Variants in CACNA2D1 observed in about 807,000 individuals in gnomAD.
CACNA2D1 encodes calcium voltage-gated channel auxiliary subunit alpha2delta 1.
A neutral mutation model predicts 171.5 loss-of-function variants in CACNA2D1; 53 were observed. The ratio of observed to expected loss-of-function variants is 0.31; its 90% CI spans 0.25 to 0.39. The LOEUF (loss-of-function observed/expected upper bound fraction) is 0.39, where lower values mean the gene tolerates loss of function less well. Ranked by LOEUF, CACNA2D1 falls within the 10% of genes least tolerant of loss-of-function variation. The probability of loss-of-function intolerance (pLI) is 1.00; values close to 1 mark genes in which losing one functional copy is unlikely to be tolerated. For synonymous variants in CACNA2D1, 442 were observed against 443.1 expected, an observed-to-expected ratio of 1.00 and a Z score of 0.03; for missense variants, 903 against 1,299.8, an observed-to-expected ratio of 0.69 and a Z score of 4.69.
intron 10 of CACNA2D1, among the ~76,000 whole-genome samples, chr7:82,051,981 T>C (rs993498739): frequency 6.6e-6 from 1 of 152,220 alleles, no homozygotes; most frequent in Non-Finnish European, 1.5e-5. Flanking sequence ...GCAGCGTTAG[T>C]TCTGACATCT....
At chr7:82,191,568 T>A (rs1563181094) in intron 3 of CACNA2D1, among the ~76,000 whole-genome samples, 1 of 151,868 alleles carries the variant, frequency 6.6e-6, no homozygotes, top group African/African-American at 2.4e-5. Context: ...TCTTTGGTTT[T>A]TCCTTCTACT....
At chr7:82,398,831 A>C (rs1391662720) in intron 1 of CACNA2D1, among the ~76,000 whole-genome samples, 2 of 150,990 alleles carry the variant, frequency 1.3e-5, no homozygotes, top group Admixed American at 1.3e-4. Flanking sequence ...CTCCTGCCTC[A>C]CCCTCCTAAA....
intron 3 of CACNA2D1, among the ~76,000 whole-genome samples, chr7:82,309,718 C>T (rs1814190157): frequency 1.3e-5 from 2 of 152,160 alleles, no homozygotes; most frequent in Admixed American, 1.3e-4. Flanking sequence ...CCTGGAAACA[C>T]ATGTGTGTCC....
intron 4 of CACNA2D1, among the ~76,000 whole-genome samples, chr7:82,152,497 G>C (rs1196247750): frequency 6.6e-6 from 1 of 151,952 alleles, no homozygotes; most frequent in Non-Finnish European, 1.5e-5. Flanking sequence ...ATAGTTACTT[G>C]AAATTCAAAT....
chr7:82,099,697 C>T (rs529499438), intron 6 of CACNA2D1, among the ~76,000 whole-genome samples: 2 of 57,956 alleles, frequency 3.5e-5, no homozygotes, highest in East Asian at 1.1e-3. Flanking sequence ...GATCCGCCCG[C>T]CTCGGCCTCC....
chr7:82,087,998 A>G (rs559007712), intron 6 of CACNA2D1, among the ~76,000 whole-genome samples: 7 of 151,784 alleles, frequency 4.6e-5, no homozygotes, highest in Non-Finnish European at 1.0e-4. Context: ...CCTTGTCTCT[A>G]TCTCTCCCCA....
At chr7:82,102,977 C>T (rs17243724) in intron 6 of CACNA2D1, among the ~76,000 whole-genome samples, 14,491 of 152,058 alleles carry the variant, frequency 0.095, 875 homozygotes, top group South Asian at 0.12. Flanking sequence ...CTAGAAAATC[C>T]GTGACTTTTA....
chr7:82,439,313 G>A (rs1476329440), intron 1 of CACNA2D1, among the ~76,000 whole-genome samples: 2 of 151,678 alleles, frequency 1.3e-5, no homozygotes, highest in Admixed American at 6.6e-5. Flanking sequence ...TTATGTTTTT[G>A]TAAAAATTTA....
chr7:82,149,980 G>A (rs947623966), intron 4 of CACNA2D1, among the ~76,000 whole-genome samples: 1 of 150,858 alleles, frequency 6.6e-6, no homozygotes, highest in Admixed American at 6.6e-5. Flanking sequence ...GTACATGTGC[G>A]TGTGTGTGTG....
chr7:82,196,902 T>C (rs1798913053), intron 3 of CACNA2D1, among the ~76,000 whole-genome samples: 1 of 151,816 alleles, frequency 6.6e-6, no homozygotes, highest in African/African-American at 2.4e-5. Context: ...TAATACAAAT[T>C]TGAAATAATA....
chr7:82,361,788 T>C (rs1394178349), intron 1 of CACNA2D1, among the ~76,000 whole-genome samples: 1 of 152,192 alleles, frequency 6.6e-6, no homozygotes, highest in Non-Finnish European at 1.5e-5. Context: ...AAATATTTAG[T>C]ATCATATAAT....
chr7:82,293,859 A>G (rs2129418516), intron 3 of CACNA2D1, among the ~76,000 whole-genome samples: 1 of 152,282 alleles, frequency 6.6e-6, no homozygotes, highest in Non-Finnish European at 1.5e-5. Flanking sequence ...TCTTCCAGAG[A>G]TATGAGGTGC....
chr7:82,389,410 C>T (rs1389334920), intron 1 of CACNA2D1, among the ~76,000 whole-genome samples: 1 of 151,952 alleles, frequency 6.6e-6, no homozygotes, highest in Non-Finnish European at 1.5e-5. Flanking sequence ...ACTTTGATCC[C>T]AATATTCATT....
intron 7 of CACNA2D1, among the ~76,000 whole-genome samples, chr7:82,074,971 T>C (rs1808784834): frequency 6.6e-6 from 1 of 152,204 alleles, no homozygotes; most frequent in African/African-American, 2.4e-5. Flanking sequence ...CATCAACCCG[T>C]CATCTACATT....
At chr7:81,995,242 A>G (rs1308684835) in intron 19 of CACNA2D1, among the ~76,000 whole-genome samples, 1 of 152,220 alleles carries the variant, frequency 6.6e-6, no homozygotes, top group Non-Finnish European at 1.5e-5. Context: ...GCCACATTGG[A>G]GTGGAAAGTA....
At chr7:82,302,047 A>T (rs1382618312) in intron 3 of CACNA2D1, among the ~76,000 whole-genome samples, 1 of 152,142 alleles carries the variant, frequency 6.6e-6, no homozygotes, top group Non-Finnish European at 1.5e-5. Flanking sequence ...GGCATGAGCC[A>T]CCGCCTGGCC....
chr7:82,409,773 C>T (rs185266040), intron 1 of CACNA2D1, among the ~76,000 whole-genome samples: 1 of 152,110 alleles, frequency 6.6e-6, no homozygotes, highest in African/African-American at 2.4e-5. Flanking sequence ...TACAGTCATG[C>T]AACACTTAAT....
chr7:81,996,612 T>C (rs1007852813), intron 19 of CACNA2D1, among the ~76,000 whole-genome samples: 2 of 151,276 alleles, frequency 1.3e-5, no homozygotes, highest in African/African-American at 4.9e-5. Flanking sequence ...TCCAAGCCTC[T>C]TGAGAATCCA....
intron 5 of CACNA2D1, among the ~76,000 whole-genome samples, chr7:82,135,158 A>T (rs1791458404): frequency 6.6e-6 from 1 of 152,098 alleles, no homozygotes; most frequent in African/African-American, 2.4e-5. Flanking sequence ...TTGCACGTCA[A>T]TGCCATTCAC....
Sources: gnomAD v4.1 joint callset for allele counts (sites outside exome capture counted in the v4.1 genomes callset) on GRCh38, gnomAD v4.1.1 for gene constraint, MANE v1.5 for transcripts, NCBI Gene and HGNC (gene_info 2026-07-23, HGNC 2026-07-21) for gene names.